The following PRKCE variants were observed in gnomAD, a reference collection of about 807,000 sequenced individuals.
PRKCE encodes the protein protein kinase C epsilon, also known as protein kinase C epsilon type.
In PRKCE, 16 loss-of-function variants were observed where a neutral mutation model predicts 85.4. The ratio of observed to expected loss-of-function variants is 0.19; its 90% CI spans 0.13 to 0.28. PRKCE has a LOEUF of 0.28. Ranked by LOEUF, PRKCE falls within the 10% of genes least tolerant of loss-of-function variation. The pLI is 1.00. For missense variants in PRKCE, 573 were observed against 975.2 expected, an observed-to-expected ratio of 0.59 and a Z score of 5.49; for synonymous variants, 388 against 371.5, an observed-to-expected ratio of 1.04 and a Z score of -0.51.
At chr2:45,673,040 AAAAC>A (rs535441855) in intron 1 of PRKCE, among the ~76,000 whole-genome samples, 5 of 152,156 alleles carry the variant, frequency 3.3e-5, no homozygotes, top group African/African-American at 1.2e-4. Context: ...GTCTCTAATA[AAAAC>A]AAACAAACAA....
intron 11 of PRKCE, among the ~76,000 whole-genome samples, chr2:46,110,102 G>T (rs1672115862): frequency 6.6e-6 from 1 of 151,994 alleles, no homozygotes; most frequent in Non-Finnish European, 1.5e-5. Context: ...CTAATTTTTT[G>T]AGAAATCTTT....
intron 2 of PRKCE, among the ~76,000 whole-genome samples, chr2:45,859,727 G>A (rs1692990165): frequency 6.6e-6 from 1 of 152,058 alleles, no homozygotes; most frequent in Admixed American, 6.5e-5. Flanking sequence ...TTCATTCTAT[G>A]GTTATCTGAT....
intron 2 of PRKCE, among the ~76,000 whole-genome samples, chr2:45,865,970 A>G (rs1046786550): frequency 6.6e-6 from 1 of 151,930 alleles, no homozygotes; most frequent in African/African-American, 2.4e-5. Context: ...GGTGCATGCC[A>G]CCACACCCAG....
At chr2:45,920,320 CT>C (rs754098399) in intron 2 of PRKCE, among the ~76,000 whole-genome samples, 59 of 152,238 alleles carry the variant, frequency 3.9e-4, no homozygotes, top group Non-Finnish European at 8.2e-4. Context: ...CAATACAGGA[CT>C]ATAAAATGGT....
In PRKCE at chr2:45,651,956, C is replaced by G. The variant is rs1475822634; in HGVS notation, c.-145C>G. The G allele has an allele frequency of 1.6e-6, 1 of 635,016 alleles. No homozygotes were observed. The highest frequency in any genetic ancestry group is 2.7e-6 in the Non-Finnish European group (1 of 375,558). 39.3% of individuals were successfully genotyped at this position (635,016 alleles called of 1,614,324 possible). A position where few individuals can be genotyped will look rare whatever the true frequency, so the allele number is the denominator to read the frequency against. ...GCTGAGAATCGCCCGCGCCAGGGCG[C>G]AACGCCACAAGGTGTAGGGAGTGTG... On this transcript the variant is annotated 5_prime_UTR_variant, in exon 1 of 15. Coordinates refer to ENST00000306156, the MANE Select transcript of PRKCE (RefSeq NM_005400.3).
intron 13 of PRKCE, among the ~76,000 whole-genome samples, chr2:46,154,293 G>A (rs936607832): frequency 8.5e-5 from 13 of 152,106 alleles, no homozygotes; most frequent in Non-Finnish European, 1.8e-4. Context: ...GAGGCCTCGG[G>A]GGTACTAGTC....
chr2:45,762,047 G>A (rs545243705), intron 1 of PRKCE, among the ~76,000 whole-genome samples: 2 of 152,224 alleles, frequency 1.3e-5, no homozygotes, highest in South Asian at 2.1e-4. Flanking sequence ...GGTTCCCTTG[G>A]TTGGCGTGCA....
intron 10 of PRKCE, among the ~76,000 whole-genome samples, chr2:46,044,766 G>A (rs1708416858): frequency 6.6e-6 from 1 of 152,202 alleles, no homozygotes; most frequent in Non-Finnish European, 1.5e-5. Flanking sequence ...TAGGGAAAGT[G>A]CACTGAGTTC....
chr2:45,753,710 A>T (rs1314478028), intron 1 of PRKCE, among the ~76,000 whole-genome samples: 1 of 152,168 alleles, frequency 6.6e-6, no homozygotes, highest in African/African-American at 2.4e-5. Context: ...AAATAGAGAG[A>T]ATAGTATGAC....
chr2:45,802,827 A>G (rs1687970132), intron 1 of PRKCE, among the ~76,000 whole-genome samples: 1 of 152,242 alleles, frequency 6.6e-6, no homozygotes, highest in Admixed American at 6.5e-5. Context: ...AAACATGCAC[A>G]GTATATGCAC....
intron 14 of PRKCE, among the ~76,000 whole-genome samples, chr2:46,179,770 C>T (rs73929407): frequency 2.6e-5 from 4 of 152,246 alleles, no homozygotes; most frequent in African/African-American, 9.6e-5. Flanking sequence ...ACCTGTTTTG[C>T]AGACCCCATG....
intron 12 of PRKCE, among the ~76,000 whole-genome samples, chr2:46,150,305 T>C (rs552711501): frequency 2.0e-5 from 3 of 152,182 alleles, no homozygotes; most frequent in African/African-American, 7.2e-5. Flanking sequence ...ATCAAGGAGA[T>C]GGTTCGATTC....
At chr2:45,822,000 C>T (rs1573493251) in intron 1 of PRKCE, among the ~76,000 whole-genome samples, 2 of 152,228 alleles carry the variant, frequency 1.3e-5, no homozygotes, top group East Asian at 3.9e-4. Context: ...CTGAGGAGCT[C>T]TGAGGTGCGG....
chr2:46,094,482 A>G (rs1028214410), intron 11 of PRKCE, among the ~76,000 whole-genome samples: 2 of 152,210 alleles, frequency 1.3e-5, no homozygotes, highest in Non-Finnish European at 2.9e-5. Flanking sequence ...TTGCAGGGAC[A>G]TAGGTGGAGC....
intron 2 of PRKCE, among the ~76,000 whole-genome samples, chr2:45,926,991 T>C (rs1431623730): frequency 2.0e-5 from 3 of 151,956 alleles, no homozygotes; most frequent in Non-Finnish European, 4.4e-5. Context: ...GGACACAGGA[T>C]GGTGAGCACT....
intron 10 of PRKCE, among the ~76,000 whole-genome samples, chr2:46,063,645 A>G (rs1667354453): frequency 6.6e-6 from 1 of 152,142 alleles, no homozygotes; most frequent in African/African-American, 2.4e-5. Flanking sequence ...AATGGAAGTC[A>G]AGCATGCTCC....
intron 2 of PRKCE, among the ~76,000 whole-genome samples, chr2:45,860,366 A>G (rs1693047938): frequency 6.6e-6 from 1 of 152,132 alleles, no homozygotes; most frequent in Non-Finnish European, 1.5e-5. Flanking sequence ...TCCTTTTCAG[A>G]GAGGATGGGT....
At chr2:45,661,648 C>T (rs1160694267) in intron 1 of PRKCE, among the ~76,000 whole-genome samples, 1 of 150,370 alleles carries the variant, frequency 6.7e-6, no homozygotes, top group East Asian at 1.9e-4. Context: ...TCTGCCTCAG[C>T]CTCCCGAGTA....
intron 1 of PRKCE, among the ~76,000 whole-genome samples, chr2:45,763,014 C>G (rs1420006828): frequency 6.6e-6 from 1 of 151,036 alleles, no homozygotes; most frequent in Admixed American, 6.6e-5. Flanking sequence ...TGCAGTGGCG[C>G]GATCTCGGCT....
Sources: gnomAD v4.1 joint callset for allele counts (sites outside exome capture counted in the v4.1 genomes callset) on GRCh38, gnomAD v4.1.1 for gene constraint, MANE v1.5 for transcripts, NCBI Gene and HGNC (gene_info 2026-07-23, HGNC 2026-07-21) for gene names.